The following ERICH3 variants were observed in gnomAD, a reference collection of about 807,000 sequenced individuals.
ERICH3 encodes glutamate rich 3, also known as glutamate-rich protein 3.
A neutral mutation model predicts 131.1 loss-of-function variants in ERICH3; 126 were observed. That is an observed-to-expected ratio of 0.96 (90% CI 0.83 to 1.11). The LOEUF is 1.11. Among genes scored for constraint, ERICH3 ranks in the 50% most tolerant of loss-of-function variants. The pLI is 0.00. For synonymous variants in ERICH3, 695 were observed against 644.6 expected (o/e 1.08, Z -1.18); for missense variants, 2,050 against 1,810.7 (o/e 1.13, Z -2.40).
In ERICH3 at chr1:74,571,298, G is replaced by A. The variant is rs767540585; in HGVS notation, c.4412C>T (p.Ala1471Val). The A allele has an allele frequency of 2.5e-6, 4 of 1,613,862 alleles. No individual in the cohort carries two copies. The African/African-American group carries it at 5.3e-5, about 22-fold the overall frequency. Residue 1471 changes from alanine (A) to valine (V), a missense_variant, in exon 14 of 15, where the codon GCT (alanine) becomes GTT (valine). Physicochemically the swap from Ala to Val is moderately conservative, Grantham distance 64. Transcript: ENST00000326665. ...SGDGRQETGA[A>V]EKFRLGLSRE... ...TGATAATCCTAATCGGAATTTTTCA[G>A]CTGCTCCTGTCTCCTGCCTCCCATC...
At position 74,604,945 on chromosome 1, in the gene ERICH3, G is replaced by A. The variant is rs145930320; in HGVS notation, c.1489+1656C>T. Among the ~76,000 whole-genome samples, 44 of 152,012 alleles carry A rather than the reference G, an allele frequency of 2.9e-4. No homozygotes were observed. In the East Asian group the frequency reaches 8.2e-3, roughly 28 times the overall value. On this transcript the variant is annotated intron_variant, in intron 10 of 14. Transcript: ENST00000326665. ...ATCCTTTGAAGCTTTGAAGTCAGGT[G>A]TTGACTTCTCCTTTCTAGCTATGAA...
At chr1:74,595,445 A>G (rs1009405938) in intron 11 of ERICH3, among the ~76,000 whole-genome samples, 1 of 152,134 alleles carries the variant, frequency 6.6e-6, no homozygotes. Flanking sequence ...AGACAAGTAT[A>G]TGTAAGAATA....
intron 12 of ERICH3, among the ~76,000 whole-genome samples, chr1:74,582,155 C>T (rs986969355): frequency 1.3e-5 from 2 of 152,182 alleles, no homozygotes; most frequent in Non-Finnish European, 2.9e-5. Flanking sequence ...CAGTGGAGAA[C>T]ACTGAACAAT....
chr1:74,595,282 ATGT>A (rs1647795194), intron 11 of ERICH3, among the ~76,000 whole-genome samples: 1 of 152,120 alleles, frequency 6.6e-6, no homozygotes, highest in Non-Finnish European at 1.5e-5. Context: ...TACTCAATAA[ATGT>A]TGTAGGATGA....
chr1:74,632,869 T>C (rs1646353626), intron 6 of ERICH3, among the ~76,000 whole-genome samples: 1 of 151,934 alleles, frequency 6.6e-6, no homozygotes, highest in African/African-American at 2.4e-5. Context: ...AATCAGCATG[T>C]ACTATTTTAA....
At chr1:74,598,634 AT>A (rs1351562457) in intron 11 of ERICH3, among the ~76,000 whole-genome samples, 2 of 151,938 alleles carry the variant, frequency 1.3e-5, no homozygotes, top group African/African-American at 4.8e-5. Context: ...AGAAAAGGAA[AT>A]ATAAATGGAC....
chr1:74,597,558 C>T (rs766892793), intron 11 of ERICH3, among the ~76,000 whole-genome samples: 7 of 151,984 alleles, frequency 4.6e-5, no homozygotes, highest in South Asian at 4.1e-4. Context: ...ATCTATACAA[C>T]GTTGCTAATT....
Position 74,589,900 on chromosome 1 carries a change from A to G in ERICH3, c.1907T>C (p.Ile636Thr). 1.2e-6 allele frequency: 2 copies of G among 1,613,924 alleles called. No homozygotes were observed. The highest frequency in any genetic ancestry group is 1.1e-5 in the South Asian group (1 of 91,076). Residue 636 changes from isoleucine to threonine, a missense_variant, in exon 12 of 15, where the codon ATT becomes ACT. Transcript: ENST00000326665. ...NDKPRKSHLP[I>T]EESLEIEIED... is the part of the protein sequence containing the mutation. ...AATTTCAATTTCTAAGGATTCCTCAATTGGAAGGTGAGACTTTCTTGGCTT... is the reference window on the plus strand; with the variant it reads ...AATTTCAATTTCTAAGGATTCCTCAGTTGGAAGGTGAGACTTTCTTGGCTT...
At chr1:74,659,747 T>C (rs1261820098) in intron 1 of ERICH3, among the ~76,000 whole-genome samples, 2 of 152,196 alleles carry the variant, frequency 1.3e-5, no homozygotes, top group African/African-American at 2.4e-5. Flanking sequence ...AAGTAAATTA[T>C]ACTCATACAA....
chr1:74,639,583 A>G (rs1233149817), intron 5 of ERICH3, among the ~76,000 whole-genome samples: 1 of 152,196 alleles, frequency 6.6e-6, no homozygotes, highest in East Asian at 1.9e-4. Context: ...ATTGAAATTA[A>G]CTACCTGGTG....
Position 74,641,569 on chromosome 1 carries a change from T to A in ERICH3, c.316-110A>T, listed in dbSNP as rs766225256. On this transcript the variant is annotated intron_variant, in intron 4 of 14. Transcript: ENST00000326665. ...GACTAAAGAAATTCTTTCTCATTTC[T>A]TCCAAGAGTTACTTTTGTTAAGGAG... The A allele has an allele frequency of 4.7e-6, 6 of 1,281,560 alleles. No individual in the cohort carries two copies. In the Admixed American group the frequency reaches 1.1e-4, roughly 23 times the overall value. 79.4% of individuals were successfully genotyped at this position (1,281,560 alleles called of 1,614,324 possible). A position where few individuals can be genotyped will look rare whatever the true frequency, so the allele number is the denominator to read the frequency against.
intron 1 of ERICH3, among the ~76,000 whole-genome samples, chr1:74,658,715 T>C (rs1177603867): frequency 6.6e-6 from 1 of 152,196 alleles, no homozygotes; most frequent in Non-Finnish European, 1.5e-5. Context: ...ATGCTGTTTC[T>C]AACCATTTTT....
chr1:74,590,907 T>C (rs1191134680), intron 11 of ERICH3, among the ~76,000 whole-genome samples: 1 of 152,202 alleles, frequency 6.6e-6, no homozygotes. Context: ...GAAAACGCTT[T>C]ATAAATATTC....
intron 1 of ERICH3, among the ~76,000 whole-genome samples, chr1:74,673,276 C>A (rs188155033): frequency 6.6e-6 from 1 of 152,184 alleles, no homozygotes; most frequent in Admixed American, 6.5e-5. Flanking sequence ...TCAAAAGGGG[C>A]GAACGTGGGT....
Position 74,568,910 on chromosome 1 carries a change from T to C in ERICH3, c.*1548A>G, listed in dbSNP as rs562992432. ...ATGGATTACTGGAACCCACCAAGAGTTTCTAATTTAGTAGGTAGGAGACAA... is the reference window on the plus strand; with the variant it reads ...ATGGATTACTGGAACCCACCAAGAGCTTCTAATTTAGTAGGTAGGAGACAA... On this transcript the variant is annotated 3_prime_UTR_variant, in exon 15 of 15. Coordinates refer to ENST00000326665, the MANE Select transcript of ERICH3 (RefSeq NM_001002912.5). 2 of 151,844 alleles carry C rather than the reference T, an allele frequency of 1.3e-5. No homozygotes were observed. The highest frequency in any genetic ancestry group is 4.2e-4 in the South Asian group (2 of 4,780). 9.4% of individuals were successfully genotyped at this position (151,844 alleles called of 1,614,324 possible).
chr1:74,673,801 G>C (rs951545908), upstream of ERICH3: 10 of 369,500 alleles, frequency 2.7e-5, no homozygotes, highest in Non-Finnish European at 3.3e-5. Context: ...CTGGAACCGA[G>C]CCTGCGGAAG....
At chr1:74,608,966 C>A (rs1180871513) in intron 9 of ERICH3, among the ~76,000 whole-genome samples, 1 of 151,978 alleles carries the variant, frequency 6.6e-6, no homozygotes, top group Non-Finnish European at 1.5e-5. Context: ...CATGCACAGA[C>A]TTTTTATTGC....
chr1:74,606,809 A>C lies in ERICH3; in HGVS notation c.1281T>G (p.Ala427=). Residue 427 remains alanine (A), a synonymous_variant, in exon 10 of 15, where the codon GCT becomes GCG. Coordinates refer to ENST00000326665, the MANE Select transcript of ERICH3 (RefSeq NM_001002912.5). The part of the protein sequence containing the change: ...STEKGEELKK[A]EGKVRKEREY... ...CTCTCTCTTTCCTCACTTTCCCCTC[A>C]GCCTTCTTCAGTTCCTCTCCTTTCT... 1 of 1,613,126 alleles carries C rather than the reference A, an allele frequency of 6.2e-7. No individual in the cohort carries two copies.
chr1:74,593,700 CAT>C (rs1647714030), intron 11 of ERICH3, among the ~76,000 whole-genome samples: 1 of 152,072 alleles, frequency 6.6e-6, no homozygotes. Context: ...CAAACCATGA[CAT>C]AGCACTTTAC....
Sources: allele counts gnomAD v4.1 joint callset (sites outside exome capture counted in the v4.1 genomes callset), GRCh38; gene constraint gnomAD v4.1.1; transcripts MANE v1.5; gene names NCBI Gene and HGNC (gene_info 2026-07-23, HGNC 2026-07-21).